The following VWA2 variants were observed in gnomAD, a reference collection of about 807,000 sequenced individuals.
VWA2 encodes von Willebrand factor A domain-containing protein 2.
In VWA2, 73 loss-of-function variants were observed where a neutral mutation model predicts 70.4. The observed-to-expected ratio is 1.04, with a 90% CI of 0.86 to 1.26. The LOEUF is 1.26. VWA2 is among the 50% of genes most tolerant of loss of function. The probability of loss-of-function intolerance (pLI) is 0.00; values close to 1 mark genes in which losing one functional copy is unlikely to be tolerated. For synonymous variants in VWA2, 407 were observed against 423.3 expected, an observed-to-expected ratio of 0.96 and a Z score of 0.47; for missense variants, 1,011 against 998.5, an observed-to-expected ratio of 1.01 and a Z score of -0.17.
intron 4 of VWA2, among the ~76,000 whole-genome samples, chr10:114,259,504 A>G (rs1055127162): frequency 2.6e-5 from 4 of 151,802 alleles, no homozygotes; most frequent in Admixed American, 2.0e-4. Context: ...ACATTTATCA[A>G]TCTTTCCTTT....
rs138399635 is a variant in VWA2, at chr10:114,286,013, G to A, written c.1072G>A (p.Gly358Ser). 7 of 1,613,980 alleles carry A rather than the reference G, an allele frequency of 4.3e-6. No individual in the cohort carries two copies. Among genetic ancestry groups the A allele is most frequent in the African/African-American group, 4.0e-5 (3 of 74,950 alleles). Residue 358 changes from glycine to serine, a missense_variant, in exon 11 of 14, where the codon GGC becomes AGC. Transcript: ENST00000392982. Reference protein sequence around the residue: ...LDSSAGTTLDGFLRAKVFVKR... With the variant: ...LDSSAGTTLDSFLRAKVFVKR... ...CAGCTCTGCGGGCACCACTCTGGAC[G>A]GCTTCCTGCGGGCCAAAGTCTTCGT...
intron 1 of VWA2, chr10:114,246,030 G>C: frequency 1.6e-6 from 1 of 612,428 alleles, no homozygotes; most frequent in Non-Finnish European, 3.2e-6. Context: ...CATCCTCCAG[G>C]AGGACCACTC....
intron 1 of VWA2, among the ~76,000 whole-genome samples, chr10:114,242,880 C>T (rs2036998763): frequency 6.6e-6 from 1 of 152,054 alleles, no homozygotes; most frequent in Admixed American, 6.5e-5. Context: ...ACTTTTCTAC[C>T]CTGTCTCACT....
rs1376638988 is a variant in VWA2 at position 114,289,197 on chromosome 10, C to T, written c.1830C>T (p.Ala610=). ...QAPYLGGVGS[A]GTALLHIYDK... is the part of the protein sequence containing the mutation. ...CCTACCTAGGTGGGGTGGGCTCAGC[C>T]GGCACCGCCCTGCTGCACATCTATG... The change falls in exon 12 of 14, where the codon GCC becomes GCT. Residue 610 remains alanine, a synonymous_variant. Transcript: ENST00000392982. 2.0e-5 allele frequency: 33 copies of T among 1,613,358 alleles called. No individual in the cohort carries two copies. Among genetic ancestry groups the T allele is most frequent in the African/African-American group, 1.1e-4 (8 of 74,914 alleles).
In VWA2 at chr10:114,286,429, T is replaced by C; in HGVS notation, c.1488T>C (p.His496=). 6.2e-7 allele frequency: 1 copy of C among 1,613,642 alleles called. No homozygotes were observed. The highest frequency in any genetic ancestry group is 8.5e-7 in the Non-Finnish European group (1 of 1,179,890). ...ELEEITGSPK[H]VMVYSDPQDL... ...AGGAGATCACAGGCAGCCCAAAGCA[T>C]GTGATGGTCTACTCGGATCCTCAGG... is the stretch of plus-strand genomic sequence containing the variant. Residue 496 remains histidine (H), a synonymous_variant, in exon 11 of 14, where the codon CAT becomes CAC. Coordinates refer to ENST00000392982, the MANE Select transcript of VWA2 (RefSeq NM_001272046.2).
intron 5 of VWA2, among the ~76,000 whole-genome samples, chr10:114,265,620 C>A (rs1188049273): frequency 6.6e-6 from 1 of 152,178 alleles, no homozygotes; most frequent in African/African-American, 2.4e-5. Context: ...TCCCACACCC[C>A]CTAGATGATT....
rs1379882473 is a variant in VWA2 at position 114,286,002 on chromosome 10, C to T, written c.1061C>T (p.Thr354Ile). The T allele has an allele frequency of 1.2e-6, 2 of 1,613,808 alleles. No individual in the cohort carries two copies. The highest frequency in any genetic ancestry group is 1.3e-5 in the African/African-American group (1 of 74,944). The change falls in exon 11 of 14, where the codon ACC (threonine) becomes ATC (isoleucine). Residue 354 changes from threonine (T) to isoleucine (I), a missense_variant. By Grantham distance (89) the Thr-to-Ile change is moderately conservative. Coordinates refer to ENST00000392982, the MANE Select transcript of VWA2 (RefSeq NM_001272046.2). ...LLFLLDSSAG[T>I]TLDGFLRAKV... is the part of the protein sequence containing the mutation. ...TTCCTGCTGGACAGCTCTGCGGGCA[C>T]CACTCTGGACGGCTTCCTGCGGGCC...
At chr10:114,248,615 G>A in intron 1 of VWA2, 89 bp from the exon 2 acceptor site, 3 of 1,130,704 alleles carry the variant, frequency 2.7e-6, no homozygotes, top group Non-Finnish European at 4.0e-6. Flanking sequence ...CCTGGAAAAG[G>A]CTGAGTTGGC....
At chr10:114,270,266 G>A (rs918715390) in intron 5 of VWA2, among the ~76,000 whole-genome samples, 1 of 152,182 alleles carries the variant, frequency 6.6e-6, no homozygotes, top group Admixed American at 6.5e-5. Flanking sequence ...TGGAAGTGGA[G>A]GGCCCTGGGT....
chr10:114,275,177 G>A (rs767872735), intron 6 of VWA2, among the ~76,000 whole-genome samples: 2 of 152,228 alleles, frequency 1.3e-5, no homozygotes, highest in Non-Finnish European at 2.9e-5. Context: ...GTCAGAGAGA[G>A]GAAGAAGATA....
intron 8 of VWA2, chr10:114,281,670 GGA>G: frequency 1.1e-6 from 1 of 930,802 alleles, no homozygotes; most frequent in African/African-American, 1.8e-5. Flanking sequence ...CTTGTTGTGT[GGA>G]CCAGATAGTA....
At chr10:114,241,039 A>G (rs1295417200) in intron 1 of VWA2, among the ~76,000 whole-genome samples, 2 of 152,168 alleles carry the variant, frequency 1.3e-5, no homozygotes, top group African/African-American at 2.4e-5. Context: ...TCAGAAGCCC[A>G]TGTTTTTACA....
chr10:114,286,529 G>C lies in VWA2; in HGVS notation c.1570+18G>C. 1 of 1,526,176 alleles carries C rather than the reference G, an allele frequency of 6.6e-7. No homozygotes were observed. Among genetic ancestry groups the C allele is most frequent in the Non-Finnish European group, 8.8e-7 (1 of 1,138,218 alleles). 94.5% of individuals were successfully genotyped at this position (1,526,176 alleles called of 1,614,324 possible). A position where few individuals can be genotyped will look rare whatever the true frequency, so the allele number is the denominator to read the frequency against. ...GCGGCCAGGTAAGGTCCCAGTGCCTGACCCAGGACCGCTGGTCAGTGGGCG... is the reference window on the plus strand; with the variant it reads ...GCGGCCAGGTAAGGTCCCAGTGCCTCACCCAGGACCGCTGGTCAGTGGGCG... On this transcript the variant is annotated intron_variant, in intron 11 of 13. Coordinates refer to ENST00000392982, the MANE Select transcript of VWA2 (RefSeq NM_001272046.2).
rs1248717940 is a variant in VWA2 at position 114,292,703 on chromosome 10, T to A, written c.*1466T>A. 4.0e-5 allele frequency among the ~76,000 whole-genome samples: 6 copies of A among 151,694 alleles called. No homozygotes were observed. Among genetic ancestry groups the A allele is most frequent in the African/African-American group, 1.5e-4 (6 of 41,292 alleles). On this transcript the variant is annotated 3_prime_UTR_variant, in exon 14 of 14. Transcript: ENST00000392982. The stretch of plus-strand genomic sequence containing the variant: ...GAGCTCTGATGTGACTCCAGACACT[T>A]TATCGTTTTTCTTTTTTTTGAGACG...
chr10:114,280,446 G>C (rs992083323), intron 8 of VWA2, among the ~76,000 whole-genome samples: 6 of 152,002 alleles, frequency 3.9e-5, no homozygotes, highest in African/African-American at 1.2e-4. Flanking sequence ...TAGGCGGGGG[G>C]TTGGGGCAAG....
intron 2 of VWA2, among the ~76,000 whole-genome samples, chr10:114,252,475 G>C (rs1042710348): frequency 6.6e-6 from 1 of 152,136 alleles, no homozygotes; most frequent in African/African-American, 2.4e-5. Context: ...GCTGGAACCA[G>C]CCGAGGCAGT....
intron 10 of VWA2, 29 bp from the exon 11 acceptor site, chr10:114,285,910 G>T: frequency 6.4e-7 from 1 of 1,554,356 alleles, no homozygotes; most frequent in South Asian, 1.2e-5. Flanking sequence ...ACCATGGCTT[G>T]ACAGTGGGTG....
At chr10:114,285,333 G>A (rs1041533033) in intron 10 of VWA2, among the ~76,000 whole-genome samples, 7 of 152,208 alleles carry the variant, frequency 4.6e-5, no homozygotes, top group South Asian at 2.1e-4. Context: ...AAGGAGCCCC[G>A]ATTCCTTTTG....
At chr10:114,280,690 G>A (rs1212884639) in intron 8 of VWA2, 1 of 152,220 alleles carries the variant, frequency 6.6e-6, no homozygotes, top group African/African-American at 2.4e-5. Context: ...GATAGACATG[G>A]AAGAGAAGAC....
Sources: gnomAD v4.1 joint callset for allele counts (sites outside exome capture counted in the v4.1 genomes callset) on GRCh38, gnomAD v4.1.1 for gene constraint, MANE v1.5 for transcripts, NCBI Gene and HGNC (gene_info 2026-07-23, HGNC 2026-07-21) for gene names.